The following FBLN7 variants were observed in gnomAD, a reference collection of about 807,000 sequenced individuals.
The protein encoded by FBLN7 is fibulin 7.
FBLN7 carries 31 observed loss-of-function variants against 44.0 expected under a neutral mutation model. That is an observed-to-expected ratio of 0.70 (90% CI 0.53 to 0.95). FBLN7 has a LOEUF of 0.95. FBLN7 is among the 40% of genes least tolerant of loss of function. The pLI is 0.00. For synonymous variants in FBLN7, 262 were observed against 253.4 expected (o/e 1.03, Z -0.32); for missense variants, 573 against 618.5 (o/e 0.93, Z 0.78).
rs572723077 is a variant in FBLN7, at chr2:112,158,804, G to T, written c.76-872G>T. Among the ~76,000 whole-genome samples the T allele has an allele frequency of 2.6e-5, 4 of 151,996 alleles. No individual in the cohort carries two copies. In the South Asian group the frequency reaches 8.3e-4, roughly 32 times the overall value. ...TGCACAGGCTGGTCTCGAACTTCTG[G>T]CCTCAAGCAATCCACCCACCTTGAC... On this transcript the variant is annotated intron_variant, in intron 1 of 7. Transcript: ENST00000331203.
the FBLN7 span, among the ~76,000 whole-genome samples, chr2:112,236,252 T>C: frequency 6.6e-6 from 1 of 151,998 alleles, no homozygotes; most frequent in South Asian, 2.1e-4. Context: ...AGACTCTGTC[T>C]CAAAAAAATA....
the FBLN7 span, among the ~76,000 whole-genome samples, chr2:112,237,942 T>C: frequency 6.6e-6 from 1 of 152,194 alleles, no homozygotes. Flanking sequence ...GAAGAATATA[T>C]TTCTGAGTTA....
the FBLN7 span, among the ~76,000 whole-genome samples, chr2:112,193,389 G>A: frequency 2.0e-5 from 3 of 152,268 alleles, no homozygotes; most frequent in South Asian, 4.1e-4. Flanking sequence ...GCAGTGAGCC[G>A]AGATAGCGCT....
chr2:112,160,800 GCACGCACACACA>G (rs1558880507), intron 2 of FBLN7, among the ~76,000 whole-genome samples: 14 of 117,302 alleles, frequency 1.2e-4, no homozygotes, highest in Non-Finnish European at 2.6e-4. Context: ...ACGCACACAC[GCACGCACACACA>G]CGCACACACA....
chr2:112,144,300 T>C (rs901274360), intron 1 of FBLN7, among the ~76,000 whole-genome samples: 12 of 152,230 alleles, frequency 7.9e-5, no homozygotes, highest in Non-Finnish European at 1.6e-4. Flanking sequence ...TGCTTTGAAA[T>C]AACTACAAGA....
intron 6 of FBLN7, among the ~76,000 whole-genome samples, chr2:112,183,205 TACCC>T (rs905646189): frequency 3.9e-5 from 6 of 152,250 alleles, no homozygotes; most frequent in African/African-American, 1.4e-4. Flanking sequence ...TGGTCAATTC[TACCC>T]ACTCAACAAT....
intron 1 of FBLN7, among the ~76,000 whole-genome samples, chr2:112,143,084 C>T (rs1285025518): frequency 6.6e-6 from 1 of 152,094 alleles, no homozygotes; most frequent in Non-Finnish European, 1.5e-5. Context: ...TGTGGCTATC[C>T]ACTGTGTCCC....
At chr2:112,235,911 TCC>T in the FBLN7 span, among the ~76,000 whole-genome samples, 46 of 146,074 alleles carry the variant, frequency 3.1e-4, 1 homozygote, top group South Asian at 9.9e-3. Context: ...TTCCCATTTT[TCC>T]CGAGTCATTG....
intron 4 of FBLN7, chr2:112,176,679 G>A (rs1682751771): frequency 6.6e-6 from 1 of 152,214 alleles, no homozygotes; most frequent in Admixed American, 6.5e-5. Context: ...CAGTTCAGCT[G>A]AGTCAGCTGG....
At chr2:112,158,140 G>T (rs980084337) in intron 1 of FBLN7, among the ~76,000 whole-genome samples, 11 of 147,500 alleles carry the variant, frequency 7.5e-5, no homozygotes, top group Admixed American at 7.4e-4. Context: ...CTTGTGATCC[G>T]CCCGCCTCGG....
At chr2:112,144,857 A>C (rs1680831397) in intron 1 of FBLN7, among the ~76,000 whole-genome samples, 1 of 152,170 alleles carries the variant, frequency 6.6e-6, no homozygotes, top group Non-Finnish European at 1.5e-5. Flanking sequence ...ACTGAACAAC[A>C]ACCACCGTGG....
chr2:112,173,868 A>C (rs1386203950), intron 3 of FBLN7, among the ~76,000 whole-genome samples: 1 of 152,336 alleles, frequency 6.6e-6, no homozygotes, highest in East Asian at 1.9e-4. Flanking sequence ...AGATAAAGAG[A>C]GTCTGAATGC....
chr2:112,233,985 C>T, the FBLN7 span: 4 of 557,974 alleles, frequency 7.2e-6, no homozygotes, highest in Admixed American at 8.1e-5. Flanking sequence ...TAAAAGAATA[C>T]TTCACTAAAA....
intron 3 of FBLN7, 33 bp from the exon 4 acceptor site, chr2:112,175,681 A>G (rs1682704962): frequency 6.2e-7 from 1 of 1,612,988 alleles, no homozygotes; most frequent in Non-Finnish European, 8.5e-7. Context: ...TAGAACTCAC[A>G]TCCGTATATT....
At chr2:112,166,058 TG>T (rs1254452838) in intron 3 of FBLN7, among the ~76,000 whole-genome samples, 1 of 152,228 alleles carries the variant, frequency 6.6e-6, no homozygotes, top group Non-Finnish European at 1.5e-5. Context: ...TTTTTGTTTT[TG>T]TTTTTGTTTG....
At chr2:112,184,807 C>CGT (rs1683181043) in intron 6 of FBLN7, among the ~76,000 whole-genome samples, 1 of 143,432 alleles carries the variant, frequency 7.0e-6, no homozygotes, top group Non-Finnish European at 1.5e-5. Context: ...ACCATATATA[C>CGT]ATATATATAT....
the FBLN7 span, among the ~76,000 whole-genome samples, chr2:112,201,190 A>G: frequency 6.6e-6 from 1 of 152,228 alleles, no homozygotes; most frequent in African/African-American, 2.4e-5. Context: ...GGCAGGAGGC[A>G]GGGCCCAGTG....
the FBLN7 span, among the ~76,000 whole-genome samples, chr2:112,216,911 G>A: frequency 6.6e-6 from 1 of 152,064 alleles, no homozygotes; most frequent in South Asian, 2.1e-4. Flanking sequence ...AAGAAACACA[G>A]TAACAATAAA....
chr2:112,144,527 T>C (rs1193864033), intron 1 of FBLN7, among the ~76,000 whole-genome samples: 3 of 42,450 alleles, frequency 7.1e-5, no homozygotes, highest in South Asian at 6.5e-4. Flanking sequence ...TCTTTTCTTT[T>C]TTTTTTTTTT....
Sources: allele counts gnomAD v4.1 joint callset (sites outside exome capture counted in the v4.1 genomes callset), GRCh38; gene constraint gnomAD v4.1.1; transcripts MANE v1.5; gene names NCBI Gene and HGNC (gene_info 2026-07-23, HGNC 2026-07-21).